The following RAB3C variants were observed in gnomAD, a reference collection of about 807,000 sequenced individuals.
RAB3C encodes ras-related protein Rab-3C.
RAB3C carries 17 observed loss-of-function variants against 26.4 expected under a neutral mutation model. That is an observed-to-expected ratio of 0.64 (90% confidence interval 0.44 to 0.97). The LOEUF (loss-of-function observed/expected upper bound fraction) is 0.97. RAB3C is among the 50% of genes least tolerant of loss of function. RAB3C has a pLI of 0.00. For synonymous variants in RAB3C, 91 were observed against 95.9 expected, an observed-to-expected ratio of 0.95 and a Z score of 0.30; for missense variants, 242 against 281.9, an observed-to-expected ratio of 0.86 and a Z score of 1.01.
intron 2 of RAB3C, among the ~76,000 whole-genome samples, chr5:58,676,501 G>T (rs932675442): frequency 1.3e-5 from 2 of 151,780 alleles, no homozygotes; most frequent in African/African-American, 4.8e-5. Context: ...AGACTCTGTT[G>T]CCAAAAAAAA....
At chr5:58,671,366 G>T (rs1244171608) in intron 2 of RAB3C, among the ~76,000 whole-genome samples, 1 of 152,126 alleles carries the variant, frequency 6.6e-6, no homozygotes, top group Non-Finnish European at 1.5e-5. Flanking sequence ...GCACAGTGAG[G>T]CTTCAAAACG....
chr5:58,610,531 G>A (rs1746676618), intron 1 of RAB3C, among the ~76,000 whole-genome samples: 1 of 151,686 alleles, frequency 6.6e-6, no homozygotes, highest in Admixed American at 6.6e-5. Flanking sequence ...TTTGCAATTT[G>A]CCATTTTCTT....
rs573333818 is a variant in RAB3C, at chr5:58,799,804, A to G, written c.372-25234A>G. On this transcript the variant is annotated intron_variant, in intron 3 of 4. Coordinates refer to ENST00000282878, the MANE Select transcript of RAB3C (RefSeq NM_138453.4). ...ATGAATCCTGACTTTTCATCATCTC[A>G]GAACACAAAACCTAGGAGATAAGAG... Among the ~76,000 whole-genome samples, 3 of 152,322 alleles carry G rather than the reference A, an allele frequency of 2.0e-5. No homozygotes were observed. In the South Asian group the frequency reaches 6.2e-4, roughly 32 times the overall value.
chr5:58,805,176 CT>C (rs1286095201), intron 3 of RAB3C, among the ~76,000 whole-genome samples: 3 of 151,900 alleles, frequency 2.0e-5, no homozygotes, highest in Non-Finnish European at 4.4e-5. Context: ...GCAAGTCTCC[CT>C]ATTTTGAAGA....
Position 58,837,557 on chromosome 5 carries a change from C to CTCT in RAB3C, c.496+12396_496+12397insCTT, listed in dbSNP as rs772309552. Among the ~76,000 whole-genome samples the CTCT allele has an allele frequency of 2.5e-5, 3 of 118,898 alleles. No homozygotes were observed. The Admixed American group carries it at 2.7e-4, about 11-fold the overall frequency. The allele number at this position is 118,898 out of a possible 152,430, so 78.0% of individuals were successfully genotyped here. ...TCTATTTCTTCTTGTTTCAGTCTCT[C>CTCT]TTTTTTTTTTTTTTTTTTTGAAACA... On this transcript the variant is annotated intron_variant, in intron 4 of 4. Transcript: ENST00000282878.
intron 1 of RAB3C, among the ~76,000 whole-genome samples, chr5:58,610,559 G>T (rs1746678181): frequency 6.6e-6 from 1 of 151,772 alleles, no homozygotes; most frequent in African/African-American, 2.4e-5. Context: ...TTTCACAGGT[G>T]ACAATGATTG....
chr5:58,818,440 CT>C (rs1743265290), intron 3 of RAB3C, among the ~76,000 whole-genome samples: 2 of 152,170 alleles, frequency 1.3e-5, no homozygotes, highest in Admixed American at 6.6e-5. Flanking sequence ...ATAAATTATG[CT>C]TTCCTCCTCT....
At chr5:58,618,382 A>G (rs1248888764) in intron 2 of RAB3C, among the ~76,000 whole-genome samples, 2 of 152,218 alleles carry the variant, frequency 1.3e-5, no homozygotes, top group African/African-American at 4.8e-5. Flanking sequence ...GAGATGGTCT[A>G]TTTATACTGT....
chr5:58,735,394 C>T (rs1345963687), intron 3 of RAB3C, among the ~76,000 whole-genome samples: 1 of 152,186 alleles, frequency 6.6e-6, no homozygotes. Flanking sequence ...GCAGGTGAAT[C>T]TGCAAATTTG....
In RAB3C at chr5:58,682,258, G is replaced by C. The variant is rs547426217; in HGVS notation, c.253-43744G>C. ...TTAGAGGTTATATGCTTATGTGACT[G>C]AACATGAGAGTGGCAGTAAGGTCGA... is the stretch of plus-strand genomic sequence containing the variant. On this transcript the variant is annotated intron_variant, in intron 2 of 4. Coordinates refer to ENST00000282878, the MANE Select transcript of RAB3C (RefSeq NM_138453.4). 3.3e-5 allele frequency among the ~76,000 whole-genome samples: 5 copies of C among 152,334 alleles called. No homozygotes were observed. The South Asian group carries it at 6.2e-4, about 19-fold the overall frequency.
chr5:58,756,209 A>AT (rs555232546), intron 3 of RAB3C, among the ~76,000 whole-genome samples: 2 of 150,298 alleles, frequency 1.3e-5, no homozygotes, highest in African/African-American at 4.9e-5. Flanking sequence ...TATATACTTA[A>AT]TTTTTTTCTT....
intron 4 of RAB3C, among the ~76,000 whole-genome samples, chr5:58,827,830 TA>T (rs1743522651): frequency 6.6e-6 from 1 of 152,212 alleles, no homozygotes; most frequent in Non-Finnish European, 1.5e-5. Flanking sequence ...TTTGTATTTT[TA>T]AAAAATGCTC....
chr5:58,812,423 T>G (rs1743114915), intron 3 of RAB3C, among the ~76,000 whole-genome samples: 2 of 152,162 alleles, frequency 1.3e-5, no homozygotes, highest in South Asian at 4.1e-4. Flanking sequence ...AGGAGTAGGT[T>G]TTAGCAAACT....
intron 3 of RAB3C, among the ~76,000 whole-genome samples, chr5:58,787,941 T>A (rs1437043036): frequency 5.9e-5 from 9 of 152,138 alleles, no homozygotes; most frequent in Admixed American, 4.6e-4. Flanking sequence ...ACATCAAGAC[T>A]TTTCTTTTTT....
intron 3 of RAB3C, 121 bp from the exon 4 acceptor site, chr5:58,824,917 G>C: frequency 1.5e-6 from 1 of 647,410 alleles, no homozygotes; most frequent in Non-Finnish European, 2.6e-6. Context: ...TCAGGCATTT[G>C]GACATCGTGT....
chr5:58,609,864 C>T (rs555587194), intron 1 of RAB3C, among the ~76,000 whole-genome samples: 9 of 152,098 alleles, frequency 5.9e-5, no homozygotes, highest in South Asian at 2.1e-4. Flanking sequence ...AACTTTCCAG[C>T]GTCTTGGCCA....
At chr5:58,788,265 C>T (rs1579918610) in intron 3 of RAB3C, 1 of 152,356 alleles carries the variant, frequency 6.6e-6, no homozygotes, top group South Asian at 2.1e-4. Context: ...TGCAGCACCC[C>T]TACCTCTGTC....
At chr5:58,682,968 T>G (rs990789643) in intron 2 of RAB3C, among the ~76,000 whole-genome samples, 1 of 152,242 alleles carries the variant, frequency 6.6e-6, no homozygotes, top group African/African-American at 2.4e-5. Flanking sequence ...TGTACATCAT[T>G]AAACATGCAA....
At chr5:58,829,620 G>A (rs938190151) in intron 4 of RAB3C, among the ~76,000 whole-genome samples, 1 of 152,156 alleles carries the variant, frequency 6.6e-6, no homozygotes, top group Non-Finnish European at 1.5e-5. Flanking sequence ...TTAATAATTT[G>A]TAAGGAGCCA....
Sources: gnomAD v4.1 joint callset for allele counts (sites outside exome capture counted in the v4.1 genomes callset) on GRCh38, gnomAD v4.1.1 for gene constraint, MANE v1.5 for transcripts, NCBI Gene and HGNC (gene_info 2026-07-23, HGNC 2026-07-21) for gene names.